Variants in RIMS4 observed in about 807,000 individuals in gnomAD.
RIMS4 encodes regulating synaptic membrane exocytosis protein 4.
In RIMS4, 9 loss-of-function variants were observed where a neutral mutation model predicts 29.0. The ratio of observed to expected loss-of-function variants is 0.31; its 90% CI spans 0.19 to 0.54. The LOEUF (loss-of-function observed/expected upper bound fraction) is 0.54. Ranked by LOEUF, RIMS4 falls within the 20% of genes least tolerant of loss-of-function variation. The pLI is 0.94. For synonymous variants in RIMS4, 130 were observed against 152.9 expected, an observed-to-expected ratio of 0.85 and a Z score of 1.10; for missense variants, 193 against 365.7, an observed-to-expected ratio of 0.53 and a Z score of 3.85.
intron 1 of RIMS4, among the ~76,000 whole-genome samples, chr20:44,773,919 G>A (rs750555017): frequency 1.3e-5 from 2 of 152,062 alleles, no homozygotes; most frequent in Non-Finnish European, 2.9e-5. Flanking sequence ...CACAAAGTAG[G>A]TGCCAAACAT....
At chr20:44,808,293 A>C (rs2066308044) in intron 1 of RIMS4, among the ~76,000 whole-genome samples, 1 of 152,230 alleles carries the variant, frequency 6.6e-6, no homozygotes, top group Admixed American at 6.5e-5. Context: ...AATATCATTA[A>C]TACTACTTGA....
At chr20:44,801,778 T>A (rs1483425899) in intron 1 of RIMS4, among the ~76,000 whole-genome samples, 1 of 152,120 alleles carries the variant, frequency 6.6e-6, no homozygotes, top group African/African-American at 2.4e-5. Flanking sequence ...CTGAGACTCA[T>A]TTGGATCATA....
chr20:44,771,256 C>G lies in RIMS4; in HGVS notation c.236+19G>C. 6.3e-7 allele frequency: 1 copy of G among 1,596,362 alleles called. No individual in the cohort carries two copies. The highest frequency in any genetic ancestry group is 8.6e-7 in the Non-Finnish European group (1 of 1,165,942). On this transcript the variant is annotated intron_variant, in intron 2 of 5. Transcript: ENST00000372851. ...CAAAAGACTGCAAGAACCAGGAGGG[C>G]TGGTGGCCCCACACTTACTTGCCCT...
intron 2 of RIMS4, among the ~76,000 whole-genome samples, chr20:44,761,116 C>G (rs2066082993): frequency 6.6e-6 from 1 of 152,190 alleles, no homozygotes; most frequent in African/African-American, 2.4e-5. Flanking sequence ...TTCCAGCAAA[C>G]AGAGGACACA....
chr20:44,762,944 C>G (rs1490786619), intron 2 of RIMS4, among the ~76,000 whole-genome samples: 2 of 152,212 alleles, frequency 1.3e-5, no homozygotes, highest in Non-Finnish European at 2.9e-5. Flanking sequence ...ATCACACTGC[C>G]TCATGGACAG....
At chr20:44,799,327 C>T (rs904878431) in intron 1 of RIMS4, among the ~76,000 whole-genome samples, 7 of 151,924 alleles carry the variant, frequency 4.6e-5, no homozygotes, top group African/African-American at 1.7e-4. Flanking sequence ...TTATCCCTTG[C>T]TAGAGCCACA....
intron 2 of RIMS4, among the ~76,000 whole-genome samples, chr20:44,758,960 G>A (rs1277652445): frequency 6.6e-6 from 1 of 152,080 alleles, no homozygotes; most frequent in Non-Finnish European, 1.5e-5. Context: ...TTCATCTTTT[G>A]GTTACGTTAA....
At chr20:44,759,994 G>C (rs991318658) in intron 2 of RIMS4, among the ~76,000 whole-genome samples, 1 of 152,250 alleles carries the variant, frequency 6.6e-6, no homozygotes, top group African/African-American at 2.4e-5. Flanking sequence ...GGCTGCCTCA[G>C]AGAAGGAATG....
At chr20:44,805,346 C>T (rs1052207782) in intron 1 of RIMS4, among the ~76,000 whole-genome samples, 8 of 152,052 alleles carry the variant, frequency 5.3e-5, no homozygotes, top group African/African-American at 1.4e-4. Context: ...GGTTTGCGTC[C>T]ACACTCTCAC....
In RIMS4 at chr20:44,755,202, G is replaced by A. The variant is rs1023144704; in HGVS notation, c.*932C>T. 6.6e-6 allele frequency: 1 copy of A among 152,370 alleles called. No individual in the cohort carries two copies. Among genetic ancestry groups the A allele is most frequent in the African/African-American group, 2.4e-5 (1 of 41,362 alleles). 9.4% of individuals were successfully genotyped at this position (152,370 alleles called of 1,614,324 possible). A position where few individuals can be genotyped will look rare whatever the true frequency, so the allele number is the denominator to read the frequency against. On this transcript the variant is annotated 3_prime_UTR_variant, in exon 6 of 6. Coordinates refer to ENST00000372851, the MANE Select transcript of RIMS4 (RefSeq NM_182970.4). ...AGGGTGGGTAGACAGGATGACCATTGACCTCATGCAACAAGGAGGGGTTCT... is the reference window on the plus strand; with the variant it reads ...AGGGTGGGTAGACAGGATGACCATTAACCTCATGCAACAAGGAGGGGTTCT...
At chr20:44,809,274 C>G (rs1484264501) in intron 1 of RIMS4, among the ~76,000 whole-genome samples, 1 of 152,172 alleles carries the variant, frequency 6.6e-6, no homozygotes, top group Non-Finnish European at 1.5e-5. Context: ...AGCTACCCCA[C>G]CTGTTGGTGG....
intron 1 of RIMS4, among the ~76,000 whole-genome samples, chr20:44,787,404 G>A (rs537959895): frequency 6.1e-4 from 93 of 152,298 alleles, no homozygotes; most frequent in African/African-American, 1.7e-3. Flanking sequence ...ACATGGATTT[G>A]TTTATCTAAT....
Position 44,753,361 on chromosome 20 carries a change from T to G in RIMS4, c.*2773A>C, listed in dbSNP as rs930713586. ...CACAGGTGACTCCAGGGGTGGCTTT[T>G]CCCCCAAGCTGGGTCTTGATTTCCT... is the stretch of plus-strand genomic sequence containing the variant. On this transcript the variant is annotated 3_prime_UTR_variant, in exon 6 of 6. Transcript: ENST00000372851. 10 of 152,202 alleles carry G rather than the reference T, an allele frequency of 6.6e-5. No individual in the cohort carries two copies. Among genetic ancestry groups the G allele is most frequent in the African/African-American group, 9.7e-5 (4 of 41,398 alleles). The allele number at this position is 152,202 out of a possible 1,614,324, so 9.4% of individuals were successfully genotyped here.
At chr20:44,796,873 G>A (rs2066257401) in intron 1 of RIMS4, among the ~76,000 whole-genome samples, 1 of 152,232 alleles carries the variant, frequency 6.6e-6, no homozygotes, top group African/African-American at 2.4e-5. Context: ...TGTTTCCTGT[G>A]TTCATCCTGT....
At chr20:44,764,174 CCATCCATCCATCCA>C (rs2066101423) in intron 2 of RIMS4, among the ~76,000 whole-genome samples, 1 of 133,540 alleles carries the variant, frequency 7.5e-6, no homozygotes, top group Non-Finnish European at 1.6e-5. Flanking sequence ...ATCCATCCAT[CCATCCATCCATCCA>C]TTTATCCATC....
intron 1 of RIMS4, among the ~76,000 whole-genome samples, chr20:44,775,801 G>T (rs1273636759): frequency 6.6e-6 from 1 of 152,168 alleles, no homozygotes; most frequent in African/African-American, 2.4e-5. Context: ...CTTCACACAG[G>T]TGGGCTCCCG....
chr20:44,771,913 G>T (rs1472185967), intron 1 of RIMS4, among the ~76,000 whole-genome samples: 1 of 151,326 alleles, frequency 6.6e-6, no homozygotes, highest in East Asian at 1.9e-4. Context: ...ACCCCACCCC[G>T]CTGCAGTCCA....
intron 1 of RIMS4, among the ~76,000 whole-genome samples, chr20:44,773,928 A>G (rs2066148359): frequency 6.6e-6 from 1 of 152,070 alleles, no homozygotes; most frequent in Non-Finnish European, 1.5e-5. Flanking sequence ...GGTGCCAAAC[A>G]TAAAAAGCCA....
intron 1 of RIMS4, among the ~76,000 whole-genome samples, chr20:44,776,699 A>T (rs778168454): frequency 1.3e-5 from 2 of 152,216 alleles, no homozygotes; most frequent in Non-Finnish European, 2.9e-5. Context: ...AGGATGGCCT[A>T]GGTGGGCTGG....
Sources: allele counts gnomAD v4.1 joint callset (sites outside exome capture counted in the v4.1 genomes callset), GRCh38; gene constraint gnomAD v4.1.1; transcripts MANE v1.5; gene names NCBI Gene and HGNC (gene_info 2026-07-23, HGNC 2026-07-21).